Variants in KCNK10 observed in about 807,000 individuals in gnomAD.
KCNK10 encodes potassium two pore domain channel subfamily K member 10.
In KCNK10, 25 loss-of-function variants were observed where a neutral mutation model predicts 47.7. The observed-to-expected ratio is 0.52, with a 90% CI of 0.38 to 0.73. KCNK10 has a LOEUF of 0.73. Ranked by LOEUF, KCNK10 falls within the 30% of genes least tolerant of loss-of-function variation. The pLI is 0.00. For synonymous variants in KCNK10, 303 were observed against 285.6 expected (o/e 1.06, Z -0.61); for missense variants, 563 against 714.5 (o/e 0.79, Z 2.42).
intron 5 of KCNK10, among the ~76,000 whole-genome samples, chr14:88,189,961 C>T (rs1241252849): frequency 6.6e-6 from 1 of 152,086 alleles, no homozygotes; most frequent in Non-Finnish European, 1.5e-5. Context: ...TTTAAGAGAC[C>T]GTGGTCTACA....
chr14:88,254,024 G>A (rs1027257637), intron 2 of KCNK10, among the ~76,000 whole-genome samples: 1 of 152,124 alleles, frequency 6.6e-6, no homozygotes, highest in Non-Finnish European at 1.5e-5. Context: ...GACAAAGCAG[G>A]TGGGAAGAGA....
At chr14:88,305,617 C>G (rs1320615777) in intron 1 of KCNK10, among the ~76,000 whole-genome samples, 1 of 152,126 alleles carries the variant, frequency 6.6e-6, no homozygotes, top group Non-Finnish European at 1.5e-5. Context: ...CTGATTGGGG[C>G]AAAAGGCAGA....
intron 5 of KCNK10, among the ~76,000 whole-genome samples, chr14:88,189,452 G>A (rs1400113097): frequency 1.3e-5 from 2 of 152,166 alleles, no homozygotes; most frequent in African/African-American, 4.8e-5. Flanking sequence ...GAAATCTGTA[G>A]CTTTCTCCTG....
intron 1 of KCNK10, among the ~76,000 whole-genome samples, chr14:88,267,944 C>T (rs1887307630): frequency 6.6e-6 from 1 of 152,170 alleles, no homozygotes; most frequent in Admixed American, 6.5e-5. Flanking sequence ...TACATTCGGT[C>T]CTCACTACAA....
intron 1 of KCNK10, among the ~76,000 whole-genome samples, chr14:88,306,642 G>A (rs1352498456): frequency 1.3e-5 from 2 of 152,064 alleles, no homozygotes; most frequent in Non-Finnish European, 2.9e-5. Context: ...AACTGAGGAA[G>A]GGATACACCA....
Position 88,322,794 on chromosome 14 carries a change from T to C in KCNK10, c.5A>G (p.Lys2Arg). 6.2e-7 allele frequency: 1 copy of C among 1,614,176 alleles called. No individual in the cohort carries two copies. The highest frequency in any genetic ancestry group is 1.1e-5 in the South Asian group (1 of 91,076). Residue 2 changes from lysine (K) to arginine (R), a missense_variant, in exon 1 of 7, where the codon AAA becomes AGA. Physicochemically the swap from Lys to Arg is conservative, Grantham distance 26 (BLOSUM62 2). Transcript: ENST00000319231. This position sits in a 1 kb window ranked among gnomAD's most constrained non-coding sequence, Gnocchi z 4.8. M[K>R]FPIETPRKQV... ...TTTTCTTGGCGTCTCGATTGGAAATTTCATTGCTTCGTTGCCCAGAAGGGG... is the reference window on the plus strand; with the variant it reads ...TTTTCTTGGCGTCTCGATTGGAAATCTCATTGCTTCGTTGCCCAGAAGGGG...
chr14:88,245,366 C>A (rs1172941594), intron 2 of KCNK10, among the ~76,000 whole-genome samples: 5 of 152,138 alleles, frequency 3.3e-5, no homozygotes, highest in Non-Finnish European at 5.9e-5. Flanking sequence ...ACCTGACAGG[C>A]AGAAGAGAGA....
chr14:88,310,772 A>G (rs1888312439), intron 1 of KCNK10, among the ~76,000 whole-genome samples: 1 of 152,186 alleles, frequency 6.6e-6, no homozygotes, highest in Admixed American at 6.5e-5. Flanking sequence ...AAATACCCCA[A>G]TGTTACAATA....
Position 88,184,392 on chromosome 14 carries a change from T to TA in KCNK10, c.*1142dup, listed in dbSNP as rs1353060750. ...ATTGTTAAATGGAATTAATGGCACTTACGCTGCAAGCAATAAAAACATTTC... is the reference window on the plus strand; with the variant it reads ...ATTGTTAAATGGAATTAATGGCACTTAACGCTGCAAGCAATAAAAACATTTC... On this transcript the variant is annotated 3_prime_UTR_variant, in exon 7 of 7. Coordinates refer to ENST00000319231, the MANE Select transcript of KCNK10 (RefSeq NM_138317.3). 6.6e-6 allele frequency: 1 copy of TA among 152,362 alleles called. No homozygotes were observed. The highest frequency in any genetic ancestry group is 2.4e-5 in the African/African-American group (1 of 41,452). The allele number at this position is 152,362 out of a possible 1,614,324, so 9.4% of individuals were successfully genotyped here.
At chr14:88,270,598 G>T in intron 1 of KCNK10, 1 of 713,576 alleles carries the variant, frequency 1.4e-6, no homozygotes, top group South Asian at 1.6e-5. Flanking sequence ...AAGCTATGAT[G>T]AAATGACTGA....
intron 4 of KCNK10, among the ~76,000 whole-genome samples, chr14:88,221,301 C>CAATATTAATAATAAT (rs139678476): frequency 6.2e-5 from 9 of 144,176 alleles, no homozygotes; most frequent in African/African-American, 2.3e-4. Context: ...GACTCTGTCT[C>CAATATTAATAATAAT]AATAATAATA....
At chr14:88,220,604 GA>G (rs11446535) in intron 4 of KCNK10, among the ~76,000 whole-genome samples, 78 of 143,036 alleles carry the variant, frequency 5.5e-4, no homozygotes, top group African/African-American at 8.5e-4. Context: ...ACAACATGGA[GA>G]AAAAAAAAAA....
intron 2 of KCNK10, among the ~76,000 whole-genome samples, chr14:88,257,837 G>T (rs1886998625): frequency 6.6e-6 from 1 of 152,094 alleles, no homozygotes; most frequent in South Asian, 2.1e-4. Flanking sequence ...GTAATTATTG[G>T]CTTACATGCC....
intron 2 of KCNK10, among the ~76,000 whole-genome samples, chr14:88,247,707 C>T (rs529691223): frequency 1.3e-5 from 2 of 152,290 alleles, no homozygotes; most frequent in African/African-American, 2.4e-5. Context: ...GTCTTAGACA[C>T]GCTAGCTTTC....
At chr14:88,228,191 C>T (rs1022977774) in intron 3 of KCNK10, among the ~76,000 whole-genome samples, 14 of 152,148 alleles carry the variant, frequency 9.2e-5, no homozygotes, top group African/African-American at 2.7e-4. Flanking sequence ...CCTACCTCTC[C>T]GCCCAACTAC....
intron 3 of KCNK10, among the ~76,000 whole-genome samples, chr14:88,229,114 A>C (rs886632234): frequency 1.3e-5 from 2 of 152,210 alleles, no homozygotes; most frequent in African/African-American, 2.4e-5. Context: ...ACAATAGCCT[A>C]ACTTTGGGGA....
chr14:88,213,921 T>TTTTTTATTATTATTA (rs1885535625), intron 4 of KCNK10, among the ~76,000 whole-genome samples: 1 of 126,410 alleles, frequency 7.9e-6, no homozygotes, highest in African/African-American at 2.7e-5. Flanking sequence ...TTTATTTTAC[T>TTTTTTATTATTATTA]TTATTATTAT....
At chr14:88,313,254 A>G (rs962090491) in intron 1 of KCNK10, among the ~76,000 whole-genome samples, 1 of 152,230 alleles carries the variant, frequency 6.6e-6, no homozygotes, top group South Asian at 2.1e-4. Flanking sequence ...CGTGGTGCCT[A>G]TTCAATAAAT....
intron 1 of KCNK10, among the ~76,000 whole-genome samples, chr14:88,276,184 A>G (rs1887522528): frequency 6.6e-6 from 1 of 151,792 alleles, no homozygotes; most frequent in Non-Finnish European, 1.5e-5. Context: ...TGACGGGATT[A>G]GGAGGTGGGG....
Sources: allele counts gnomAD v4.1 joint callset (sites outside exome capture counted in the v4.1 genomes callset), GRCh38; gene constraint gnomAD v4.1.1; non-coding constraint Gnocchi (gnomAD v3.1); transcripts MANE v1.5; gene names NCBI Gene and HGNC (gene_info 2026-07-23, HGNC 2026-07-21).